QRFPR: variants seen among roughly 807,000 people sequenced by gnomAD.
QRFPR encodes the protein pyroglutamylated RFamide peptide receptor.
A neutral mutation model predicts 31.3 loss-of-function variants in QRFPR; 37 were observed. The ratio of observed to expected loss-of-function variants is 1.18; its 90% CI spans 0.91 to 1.56. The LOEUF is 1.56. Ranked by LOEUF, QRFPR falls within the 40% of genes most tolerant of loss-of-function variation. The pLI is 0.00. For missense variants in QRFPR, 542 were observed against 532.5 expected (o/e 1.02, Z -0.18); for synonymous variants, 197 against 192.0 (o/e 1.03, Z -0.22).
intron 2 of QRFPR, among the ~76,000 whole-genome samples, chr4:121,339,421 T>C (rs7696277): frequency 0.18 from 27,424 of 152,148 alleles, 2,772 homozygotes; most frequent in Non-Finnish European, 0.24. Flanking sequence ...TATGTGTTCA[T>C]TGTGACTTGC....
chr4:121,370,448 G>T, intron 1 of QRFPR: 1 of 551,352 alleles, frequency 1.8e-6, no homozygotes. Context: ...GAGGAACATG[G>T]TCCAGCTGCT....
chr4:121,348,509 C>T (rs542008045), intron 1 of QRFPR, among the ~76,000 whole-genome samples: 70 of 152,190 alleles, frequency 4.6e-4, no homozygotes, highest in African/African-American at 1.6e-3. Context: ...TGCTCTATAG[C>T]TGTCATCATT....
intron 1 of QRFPR, chr4:121,369,725 A>G: frequency 1.9e-6 from 3 of 1,601,216 alleles, no homozygotes; most frequent in Non-Finnish European, 2.6e-6. Context: ...TCCAGAGTCC[A>G]TGGTGCTAGG....
rs939728459 is a variant in QRFPR at position 121,336,797 on chromosome 4, T to C, written c.561+10A>G. On this transcript the variant is annotated intron_variant, in intron 3 of 5. Transcript: ENST00000394427. The stretch of plus-strand genomic sequence containing the variant: ...CAACAATATGATTATACATCTCAAC[T>C]GGAGTCTACCTCAAGTTGTTGCACG... 2.4e-5 allele frequency: 39 copies of C among 1,599,712 alleles called. No individual in the cohort carries two copies. Among genetic ancestry groups the C allele is most frequent in the Non-Finnish European group, 3.3e-5 (38 of 1,166,950 alleles).
chr4:121,376,774 T>C (rs1726361420), intron 1 of QRFPR, among the ~76,000 whole-genome samples: 1 of 152,220 alleles, frequency 6.6e-6, no homozygotes, highest in Non-Finnish European at 1.5e-5. Context: ...CAAAAGCCCT[T>C]CAGGAGATTC....
intron 2 of QRFPR, 65 bp downstream of exon 2, chr4:121,340,387 A>G: frequency 4.5e-6 from 7 of 1,544,554 alleles, no homozygotes; most frequent in Non-Finnish European, 5.4e-6. Flanking sequence ...GTTTAAAAAT[A>G]TGGTTCTCTA....
intron 2 of QRFPR, among the ~76,000 whole-genome samples, chr4:121,338,394 G>GA (rs1483174731): frequency 3.3e-5 from 5 of 152,202 alleles, no homozygotes; most frequent in Non-Finnish European, 5.9e-5. Context: ...ATCTGGGCAA[G>GA]AAAGCCTAGA....
Position 121,336,880 on chromosome 4 carries a change from T to C in QRFPR, c.500-12A>G. ...CAGCCAGACCACACCTGTAAAAGTG[T>C]TAAAGTCATGAGAGTATGACTCAGT... On this transcript the variant is annotated splice_polypyrimidine_tract_variant and intron_variant, in intron 2 of 5. Coordinates refer to ENST00000394427, the MANE Select transcript of QRFPR (RefSeq NM_198179.3). 1.2e-6 allele frequency: 2 copies of C among 1,612,904 alleles called. No individual in the cohort carries two copies. Among genetic ancestry groups the C allele is most frequent in the South Asian group, 2.2e-5 (2 of 91,066 alleles).
chr4:121,374,194 A>C (rs987263671), intron 1 of QRFPR, among the ~76,000 whole-genome samples: 1 of 152,208 alleles, frequency 6.6e-6, no homozygotes, highest in Non-Finnish European at 1.5e-5. Context: ...AAAAACGTTA[A>C]GGGCTTTAGT....
At chr4:121,331,659 G>T (rs201928668) in intron 4 of QRFPR, among the ~76,000 whole-genome samples, 9 of 80,708 alleles carry the variant, frequency 1.1e-4, no homozygotes, top group African/African-American at 4.0e-4. Context: ...TATTATTATT[G>T]TTATTATTAT....
At chr4:121,349,955 G>T (rs990682606) in intron 1 of QRFPR, among the ~76,000 whole-genome samples, 9 of 152,128 alleles carry the variant, frequency 5.9e-5, no homozygotes, top group African/African-American at 2.2e-4. Flanking sequence ...TGAAAATAGG[G>T]CAATCACCTG....
rs1057305844 is a variant in QRFPR at position 121,366,501 on chromosome 4, C to T, written c.340+13807G>A. Among the ~76,000 whole-genome samples the T allele has an allele frequency of 6.7e-5, 10 of 149,406 alleles. 1 individual carries two copies. Among genetic ancestry groups the T allele is most frequent in the African/African-American group, 2.5e-4 (10 of 40,360 alleles). On this transcript the variant is annotated intron_variant, in intron 1 of 5. Transcript: ENST00000394427. The stretch of plus-strand genomic sequence containing the variant: ...TCTCTCTCTCTTTCAGAATATGGTG[C>T]CTCCACACAAAGAATTCTGGGTATC...
At position 121,354,395 on chromosome 4, in the gene QRFPR, T is replaced by A. The variant is rs533768285; in HGVS notation, c.341-13785A>T. 5.4e-4 allele frequency among the ~76,000 whole-genome samples: 82 copies of A among 152,136 alleles called. 1 individual carries two copies. The highest frequency in any genetic ancestry group is 1.9e-3 in the African/African-American group (79 of 41,572). On this transcript the variant is annotated intron_variant, in intron 1 of 5. Transcript: ENST00000394427. ...GTCCTCTTCAGTTTCTTTCACCAAC[T>A]TTTTATAGTTTTCATTGTAGAAATC... is the stretch of plus-strand genomic sequence containing the variant.
Position 121,367,352 on chromosome 4 carries a change from T to A in QRFPR, c.340+12956A>T, listed in dbSNP as rs1042006087. On this transcript the variant is annotated intron_variant, in intron 1 of 5. Coordinates refer to ENST00000394427, the MANE Select transcript of QRFPR (RefSeq NM_198179.3). ...ACACCACTTTATCCTCCTCTAGAGATGTATTATTGCTTCTGAAATAAATGA... is the reference window on the plus strand; with the variant it reads ...ACACCACTTTATCCTCCTCTAGAGAAGTATTATTGCTTCTGAAATAAATGA... 7.3e-5 allele frequency among the ~76,000 whole-genome samples: 11 copies of A among 150,172 alleles called. 1 individual carries two copies. The highest frequency in any genetic ancestry group is 6.6e-4 in the Admixed American group (10 of 15,114).
chr4:121,362,379 G>A (rs952811011), intron 1 of QRFPR, among the ~76,000 whole-genome samples: 1 of 149,830 alleles, frequency 6.7e-6, no homozygotes, highest in Non-Finnish European at 1.5e-5. Context: ...AGGAGACAAT[G>A]TATGCAGCTG....
At chr4:121,354,087 C>T in intron 1 of QRFPR, among the ~76,000 whole-genome samples, 1 of 151,940 alleles carries the variant, frequency 6.6e-6, no homozygotes, top group East Asian at 1.9e-4. Flanking sequence ...TTCATGCTAA[C>T]ACCTTGCTGT....
chr4:121,348,576 T>C (rs1007363543), intron 1 of QRFPR, among the ~76,000 whole-genome samples: 3 of 152,180 alleles, frequency 2.0e-5, no homozygotes, highest in African/African-American at 7.2e-5. Context: ...GCTTCTCATT[T>C]CTTGTATTTT....
intron 4 of QRFPR, among the ~76,000 whole-genome samples, chr4:121,331,016 A>G (rs1725310410): frequency 6.6e-6 from 1 of 152,024 alleles, no homozygotes. Context: ...CTGTAATCCC[A>G]GCTCTTTGGG....
Position 121,380,495 on chromosome 4 carries a change from G to T in QRFPR, c.153C>A (p.Thr51=). 6.2e-7 allele frequency: 1 copy of T among 1,614,172 alleles called. No individual in the cohort carries two copies. The highest frequency in any genetic ancestry group is 8.5e-7 in the Non-Finnish European group (1 of 1,179,988). ...PGRAKLALVL[T]GVLIFALALF... Reference sequence around the variant, plus strand: ...GCGCCAGGGCGAAGATGAGCACGCCGGTGAGCACGAGGGCCAGCTTGGCGC... The same window carrying T: ...GCGCCAGGGCGAAGATGAGCACGCCTGTGAGCACGAGGGCCAGCTTGGCGC... The change falls in exon 1 of 6, where the codon ACC becomes ACA. Residue 51 remains threonine (T), a synonymous_variant. Transcript: ENST00000394427.
Sources: allele counts gnomAD v4.1 joint callset (sites outside exome capture counted in the v4.1 genomes callset), GRCh38; gene constraint gnomAD v4.1.1; transcripts MANE v1.5; gene names NCBI Gene and HGNC (gene_info 2026-07-23, HGNC 2026-07-21).